Variants in PCDHGA7 observed in about 807,000 individuals in gnomAD.
PCDHGA7 encodes protocadherin gamma-A7.
Under a neutral mutation model 58.3 loss-of-function variants are expected in PCDHGA7, and 44 were observed. The observed-to-expected ratio is 0.75, with a 90% confidence interval of 0.59 to 0.97. PCDHGA7 has a LOEUF of 0.97. PCDHGA7 is among the 50% of genes least tolerant of loss of function. PCDHGA7 has a pLI of 0.00. For synonymous variants in PCDHGA7, 516 were observed against 504.2 expected (o/e 1.02, Z -0.31); for missense variants, 1,266 against 1,188.7 (o/e 1.06, Z -0.96).
intron 2 of PCDHGA7, among the ~76,000 whole-genome samples, chr5:141,496,955 G>T (rs2099772887): frequency 6.6e-6 from 1 of 152,006 alleles, no homozygotes; most frequent in African/African-American, 2.4e-5. Context: ...GGAGGCCAAG[G>T]TGGGTAGATC....
chr5:141,502,655 C>T (rs72790073), intron 2 of PCDHGA7, among the ~76,000 whole-genome samples: 29,437 of 152,034 alleles, frequency 0.19, 2,877 homozygotes, highest in Middle Eastern at 0.24. Context: ...AGGCAGCAAC[C>T]CTTCATGCAA....
chr5:141,481,730 G>A (rs778885944), intron 1 of PCDHGA7, among the ~76,000 whole-genome samples: 1 of 151,952 alleles, frequency 6.6e-6, no homozygotes, highest in African/African-American at 2.4e-5. Context: ...GAGGCGGGCG[G>A]ATCACGAGGT....
Position 141,432,400 on chromosome 5 carries a change from G to C in PCDHGA7, c.2424+47077G>C, listed in dbSNP as rs139153105. ...ACCCGCCCCTCAGCAGCAACGTGTC[G>C]TTGAGCCTGTTCGTGCTGGACCAGA... is the stretch of plus-strand genomic sequence containing the variant. On this transcript the variant is annotated intron_variant, in intron 1 of 3. Coordinates refer to ENST00000518325, the MANE Select transcript of PCDHGA7 (RefSeq NM_018920.4). This position sits in a 1 kb window ranked among gnomAD's most constrained non-coding sequence, Gnocchi z 6.0. 1.2e-6 allele frequency: 2 copies of C among 1,614,240 alleles called. No individual in the cohort carries two copies. Among genetic ancestry groups the C allele is most frequent in the South Asian group, 2.2e-5 (2 of 91,090 alleles).
intron 1 of PCDHGA7, among the ~76,000 whole-genome samples, chr5:141,465,041 C>T (rs2099095802): frequency 6.6e-6 from 1 of 151,856 alleles, no homozygotes; most frequent in Non-Finnish European, 1.5e-5. Flanking sequence ...CACAAATGAC[C>T]CTATATATTT....
chr5:141,450,908 G>A (rs1248622378), intron 1 of PCDHGA7, among the ~76,000 whole-genome samples: 12 of 147,640 alleles, frequency 8.1e-5, no homozygotes, highest in East Asian at 6.0e-4. Flanking sequence ...CACTGCAACC[G>A]CTGCCTCCCA....
intron 1 of PCDHGA7, among the ~76,000 whole-genome samples, chr5:141,463,418 C>T (rs1442067485): frequency 3.6e-5 from 5 of 138,240 alleles, no homozygotes; most frequent in Admixed American, 2.9e-4. Flanking sequence ...TCCTAGTTTG[C>T]GGATCCTCAT....
In PCDHGA7 at chr5:141,491,770, G is replaced by A; in HGVS notation, c.2425-3037G>A. 6.4e-7 allele frequency: 1 copy of A among 1,560,888 alleles called. No individual in the cohort carries two copies. Among genetic ancestry groups the A allele is most frequent in the Non-Finnish European group, 8.7e-7 (1 of 1,154,942 alleles). On this transcript the variant is annotated intron_variant, in intron 1 of 3. Coordinates refer to ENST00000518325, the MANE Select transcript of PCDHGA7 (RefSeq NM_018920.4). This position sits in a 1 kb window ranked among gnomAD's most constrained non-coding sequence, Gnocchi z 6.9. ...TGGAGAAGCCGCCCGTCCTCATAAG[G>A]GATTGAACTTGCATCCACTCCTCTC...
chr5:141,467,908 C>G (rs2099154038), intron 1 of PCDHGA7, among the ~76,000 whole-genome samples: 1 of 152,172 alleles, frequency 6.6e-6, no homozygotes, highest in Non-Finnish European at 1.5e-5. Flanking sequence ...ATCCGCCCAC[C>G]TCAGCCTCCC....
chr5:141,474,721 A>T (rs942537231), intron 1 of PCDHGA7, among the ~76,000 whole-genome samples: 10 of 152,214 alleles, frequency 6.6e-5, no homozygotes, highest in African/African-American at 1.7e-4. Flanking sequence ...CTTCAAAAGG[A>T]CTCTATGCAA....
intron 1 of PCDHGA7, chr5:141,423,620 C>T: frequency 6.2e-7 from 1 of 1,608,268 alleles, no homozygotes; most frequent in Middle Eastern, 1.7e-4. Context: ...GCTGAAGACT[C>T]AGCTATCATT....
At chr5:141,418,478 G>T (rs777772131) in intron 1 of PCDHGA7, 1 of 1,613,858 alleles carries the variant, frequency 6.2e-7, no homozygotes, top group Non-Finnish European at 8.5e-7. Flanking sequence ...AACGCAGAGC[G>T]CTCACCACTT....
At chr5:141,479,671 G>A (rs1484965995) in intron 1 of PCDHGA7, 1 of 152,196 alleles carries the variant, frequency 6.6e-6, no homozygotes, top group Non-Finnish European at 1.5e-5. Flanking sequence ...AACTACAAAA[G>A]GAGAGTCTTT....
chr5:141,473,382 C>A (rs780229708), intron 1 of PCDHGA7, among the ~76,000 whole-genome samples: 12 of 152,190 alleles, frequency 7.9e-5, no homozygotes, highest in Non-Finnish European at 1.8e-4. Context: ...TGGTCCCTGC[C>A]CTCCTGGAGC....
chr5:141,419,523 G>T (rs553587727), intron 1 of PCDHGA7: 21 of 1,612,086 alleles, frequency 1.3e-5, no homozygotes, highest in East Asian at 2.2e-5. Flanking sequence ...GTGGGCGACC[G>T]TAACGACAAC....
chr5:141,437,478 T>G (rs942305423), intron 1 of PCDHGA7, among the ~76,000 whole-genome samples: 2 of 152,210 alleles, frequency 1.3e-5, no homozygotes, highest in African/African-American at 2.4e-5. Flanking sequence ...TATAGCATAT[T>G]TAATCTCGTA....
intron 1 of PCDHGA7, chr5:141,428,119 C>T (rs2097112199): frequency 6.2e-7 from 1 of 1,606,512 alleles, no homozygotes; most frequent in Non-Finnish European, 8.5e-7. Context: ...GCCATCGAGC[C>T]CGGGCTTTTC....
chr5:141,497,689 A>G (rs951295378), intron 2 of PCDHGA7, among the ~76,000 whole-genome samples: 1 of 151,958 alleles, frequency 6.6e-6, no homozygotes, highest in African/African-American at 2.4e-5. Flanking sequence ...GCAGGTGTGC[A>G]CCACCACACC....
intron 1 of PCDHGA7, chr5:141,410,489 G>T (rs1233643247): frequency 1.9e-6 from 3 of 1,613,854 alleles, no homozygotes; most frequent in Non-Finnish European, 1.7e-6. Context: ...GGGTACAAAA[G>T]AGTTTAATTT....
chr5:141,437,000 G>A (rs1197061999), intron 1 of PCDHGA7, among the ~76,000 whole-genome samples: 1 of 152,198 alleles, frequency 6.6e-6, no homozygotes, highest in Non-Finnish European at 1.5e-5. Flanking sequence ...TTACTTCAAT[G>A]GGATCTTAGA....
Sources: allele counts gnomAD v4.1 joint callset (sites outside exome capture counted in the v4.1 genomes callset), GRCh38; gene constraint gnomAD v4.1.1; non-coding constraint Gnocchi (gnomAD v3.1); transcripts MANE v1.5; gene names NCBI Gene and HGNC (gene_info 2026-07-23, HGNC 2026-07-21).